Variants in AUTS2 observed in about 807,000 individuals in gnomAD.
The protein encoded by AUTS2 is autism susceptibility gene 2 protein.
Under a neutral mutation model 112.4 loss-of-function variants are expected in AUTS2, and 17 were observed. The observed-to-expected ratio is 0.15, with a 90% CI of 0.10 to 0.23. The LOEUF is 0.23. AUTS2 is among the 10% of genes least tolerant of loss of function. The probability of loss-of-function intolerance (pLI) is 1.00; values close to 1 mark genes in which losing one functional copy is unlikely to be tolerated. For synonymous variants in AUTS2, 751 were observed against 702.7 expected (o/e 1.07, Z -1.09); for missense variants, 1,510 against 1,701.6 (o/e 0.89, Z 1.98).
intron 6 of AUTS2, among the ~76,000 whole-genome samples, chr7:70,724,276 T>A (rs1051873641): frequency 6.6e-6 from 1 of 152,180 alleles, no homozygotes; most frequent in Non-Finnish European, 1.5e-5. Context: ...CTTTCATATG[T>A]GCTTATCAGC....
intron 4 of AUTS2, among the ~76,000 whole-genome samples, chr7:70,251,488 G>T (rs1786594828): frequency 6.6e-6 from 1 of 152,094 alleles, no homozygotes; most frequent in South Asian, 2.1e-4. Context: ...TTGTCTTCTT[G>T]TATCTTTGGA....
At chr7:70,773,984 T>C in intron 11 of AUTS2, 44 bp from the exon 12 acceptor site, 1 of 1,576,134 alleles carries the variant, frequency 6.3e-7, no homozygotes, top group Non-Finnish European at 8.7e-7. Context: ...TCATGTCACC[T>C]GTTTTGTGCT....
intron 5 of AUTS2, among the ~76,000 whole-genome samples, chr7:70,480,876 G>T (rs1261826196): frequency 5.3e-5 from 8 of 152,202 alleles, no homozygotes; most frequent in Non-Finnish European, 1.2e-4. Flanking sequence ...TGCCTCAAAG[G>T]TTGGGTGGGA....
intron 6 of AUTS2, among the ~76,000 whole-genome samples, chr7:70,746,393 AC>A (rs1788457025): frequency 6.6e-6 from 1 of 152,122 alleles, no homozygotes; most frequent in African/African-American, 2.4e-5. Flanking sequence ...TGATCCGCCC[AC>A]CTCGGCCTCC....
intron 2 of AUTS2, among the ~76,000 whole-genome samples, chr7:70,096,307 G>A (rs1804195545): frequency 6.6e-6 from 1 of 151,970 alleles, no homozygotes; most frequent in Non-Finnish European, 1.5e-5. Context: ...TAAAAAAATT[G>A]TTGAAAAAGC....
Position 70,712,706 on chromosome 7 carries a change from A to G in AUTS2, c.742+14086A>G, listed in dbSNP as rs1810127123. Reference sequence around the variant, plus strand: ...GAACATTTTGGCAGTGAGGTTTTGTAAATGCTCAGACGATCCACAGAGTCA... The same window carrying G: ...GAACATTTTGGCAGTGAGGTTTTGTGAATGCTCAGACGATCCACAGAGTCA... On this transcript the variant is annotated intron_variant, in intron 6 of 18. Coordinates refer to ENST00000342771, the MANE Select transcript of AUTS2 (RefSeq NM_015570.4). Among the ~76,000 whole-genome samples the G allele has an allele frequency of 2.0e-5, 3 of 152,286 alleles. No homozygotes were observed. In the South Asian group the frequency reaches 6.2e-4, roughly 32 times the overall value.
At chr7:70,190,920 T>G (rs1465676373) in intron 4 of AUTS2, among the ~76,000 whole-genome samples, 2 of 152,132 alleles carry the variant, frequency 1.3e-5, no homozygotes, top group African/African-American at 4.8e-5. Flanking sequence ...CATTTTCTGT[T>G]AAAATAATGT....
chr7:70,285,822 G>C (rs1223592120), intron 4 of AUTS2, among the ~76,000 whole-genome samples: 1 of 152,192 alleles, frequency 6.6e-6, no homozygotes, highest in East Asian at 1.9e-4. Flanking sequence ...AGAGTAAGAT[G>C]CTGGAATATG....
chr7:69,972,614 A>G (rs1450742689), intron 2 of AUTS2, among the ~76,000 whole-genome samples: 1 of 151,556 alleles, frequency 6.6e-6, no homozygotes, highest in Admixed American at 6.6e-5. Flanking sequence ...TTTGAGATAA[A>G]TTTTTTATAA....
intron 4 of AUTS2, among the ~76,000 whole-genome samples, chr7:70,148,647 G>T (rs1807262227): frequency 6.6e-6 from 1 of 151,368 alleles, no homozygotes; most frequent in Admixed American, 6.6e-5. Context: ...TATTGTGGGT[G>T]CTCTGAGGTT....
intron 4 of AUTS2, among the ~76,000 whole-genome samples, chr7:70,171,876 A>T (rs1180607713): frequency 6.7e-6 from 1 of 149,460 alleles, no homozygotes; most frequent in African/African-American, 2.5e-5. Flanking sequence ...TACAGAATGT[A>T]GTCTTTATTA....
intron 6 of AUTS2, among the ~76,000 whole-genome samples, chr7:70,722,278 T>A (rs953977063): frequency 1.3e-5 from 2 of 148,516 alleles, no homozygotes; most frequent in African/African-American, 2.5e-5. Context: ...TAAAAAAAAA[T>A]TCCATTTTCA....
At chr7:70,743,482 A>C (rs1190881304) in intron 6 of AUTS2, among the ~76,000 whole-genome samples, 2 of 151,634 alleles carry the variant, frequency 1.3e-5, no homozygotes, top group Admixed American at 1.3e-4. Flanking sequence ...AAAAAAAAAA[A>C]AAAAAAAAAA....
rs1812664270 is a variant in AUTS2 at position 70,242,390 on chromosome 7, C to G, written c.660+107819C>G. ...TTTGGCTCTCCTCTCTCATCCATTT[C>G]TGTTTCTTCCTTCTTCCATCCATAC... is the stretch of plus-strand genomic sequence containing the variant. On this transcript the variant is annotated intron_variant, in intron 4 of 18. Coordinates refer to ENST00000342771, the MANE Select transcript of AUTS2 (RefSeq NM_015570.4). Among the ~76,000 whole-genome samples, 3 of 152,320 alleles carry G rather than the reference C, an allele frequency of 2.0e-5. 1 individual carries two copies. The Middle Eastern group carries it at 0.01, about 518-fold the overall frequency.
At chr7:70,544,210 C>T (rs138597809) in intron 5 of AUTS2, among the ~76,000 whole-genome samples, 15 of 152,320 alleles carry the variant, frequency 9.8e-5, no homozygotes, top group East Asian at 7.7e-4. Flanking sequence ...GCCTTTCTTC[C>T]GGGTGCCAGG....
chr7:70,789,871 G>A lies in AUTS2; in HGVS notation c.2655G>A (p.Arg885=), dbSNP rs143270799. ...GGGCTCATCTGAACACTGAGGCTCG[G>A]GAGAAGGACAAACCCAAAGAGAGGG... ...QIRAHLNTEA[R]EKDKPKERER... Residue 885 remains arginine (R), a synonymous_variant, in exon 19 of 19, where the codon CGG becomes CGA. Transcript: ENST00000342771. 7.8e-5 allele frequency: 126 copies of A among 1,614,150 alleles called. No individual in the cohort carries two copies. The highest frequency in any genetic ancestry group is 3.3e-4 in the Middle Eastern group (2 of 6,062).
intron 4 of AUTS2, among the ~76,000 whole-genome samples, chr7:70,136,154 T>C (rs1806550793): frequency 6.6e-6 from 1 of 152,348 alleles, no homozygotes; most frequent in African/African-American, 2.4e-5. Flanking sequence ...AATATATTCT[T>C]ATGATTTAAA....
rs190698983 is a variant in AUTS2, at chr7:69,903,143, G to A, written c.522+3645G>A. Reference sequence around the variant, plus strand: ...CTTTTTTTTTCTCAATGGAGATTTGGGGGTGGGAAAAGCAAAAGAGGTTGC... The same window carrying A: ...CTTTTTTTTTCTCAATGGAGATTTGAGGGTGGGAAAAGCAAAAGAGGTTGC... On this transcript the variant is annotated intron_variant, in intron 2 of 18. Coordinates refer to ENST00000342771, the MANE Select transcript of AUTS2 (RefSeq NM_015570.4). Among the ~76,000 whole-genome samples the A allele has an allele frequency of 9.2e-5, 14 of 152,142 alleles. No homozygotes were observed. The East Asian group carries it at 2.1e-3, about 23-fold the overall frequency.
At chr7:70,208,803 A>G (rs894259640) in intron 4 of AUTS2, among the ~76,000 whole-genome samples, 1 of 151,836 alleles carries the variant, frequency 6.6e-6, no homozygotes, top group South Asian at 2.1e-4. Context: ...AAGAAGAAGT[A>G]CAAAGTCCCT....
Sources: gnomAD v4.1 joint callset for allele counts (sites outside exome capture counted in the v4.1 genomes callset) on GRCh38, gnomAD v4.1.1 for gene constraint, MANE v1.5 for transcripts, NCBI Gene and HGNC (gene_info 2026-07-23, HGNC 2026-07-21) for gene names.